Variants in CTSZ observed in about 807,000 individuals in gnomAD.
CTSZ encodes the protein carboxypeptidase LB.
In CTSZ, 39 loss-of-function variants were observed where a neutral mutation model predicts 32.4. The observed-to-expected ratio is 1.20, with a 90% CI of 0.93 to 1.57. The LOEUF (loss-of-function observed/expected upper bound fraction) is 1.57, where lower values mean the gene tolerates loss of function less well. CTSZ is among the 40% of genes most tolerant of loss of function. CTSZ has a pLI of 0.00. For synonymous variants in CTSZ, 168 were observed against 170.1 expected (o/e 0.99, Z 0.10); for missense variants, 397 against 419.6 (o/e 0.95, Z 0.47).
rs1329260102 is a variant in CTSZ at position 59,004,393 on chromosome 20, T to C, written c.307+1929A>G. ...CAGTATGGTGCAGGAGAAGGAAGCATCCTGGGGAGACGTGATCAGGAGAAT... is the reference window on the plus strand; with the variant it reads ...CAGTATGGTGCAGGAGAAGGAAGCACCCTGGGGAGACGTGATCAGGAGAAT... On this transcript the variant is annotated intron_variant, in intron 2 of 5. Coordinates refer to ENST00000217131, the MANE Select transcript of CTSZ (RefSeq NM_001336.4). The surrounding 1 kb of genome is among the most constrained non-coding windows in gnomAD (Gnocchi z 5.6). Among the ~76,000 whole-genome samples the C allele has an allele frequency of 6.6e-6, 1 of 150,802 alleles. No individual in the cohort carries two copies. Among genetic ancestry groups the C allele is most frequent in the Non-Finnish European group, 1.5e-5 (1 of 67,612 alleles).
intron 3 of CTSZ, among the ~76,000 whole-genome samples, chr20:59,000,102 G>A (rs1399040422): frequency 2.0e-5 from 3 of 151,708 alleles, no homozygotes; most frequent in Non-Finnish European, 2.9e-5. Context: ...TTATGGCCGG[G>A]CGCAGCAGCT....
chr20:59,000,023 C>T (rs534393348), intron 3 of CTSZ, among the ~76,000 whole-genome samples: 2 of 148,024 alleles, frequency 1.4e-5, no homozygotes, highest in African/African-American at 2.5e-5. Context: ...GAGCCGAGAT[C>T]GCGCCACTGC....
intron 2 of CTSZ, among the ~76,000 whole-genome samples, chr20:59,003,976 G>A (rs1046418229): frequency 8.5e-5 from 13 of 152,208 alleles, no homozygotes; most frequent in African/African-American, 2.4e-4. Flanking sequence ...GCAGTGGGGC[G>A]GTGTGGCTTA....
At chr20:59,003,346 C>T (rs1310101813) in intron 2 of CTSZ, among the ~76,000 whole-genome samples, 5 of 152,238 alleles carry the variant, frequency 3.3e-5, no homozygotes, top group Non-Finnish European at 7.3e-5. Context: ...GAGGTATGCA[C>T]AAGCTTCTCC....
chr20:58,996,762 G>A lies in CTSZ; in HGVS notation c.678C>T (p.Thr226=), dbSNP rs776475754. 5.0e-6 allele frequency: 8 copies of A among 1,614,054 alleles called. No homozygotes were observed. Among genetic ancestry groups the A allele is most frequent in the South Asian group, 2.2e-5 (2 of 91,082 alleles). The change falls in exon 5 of 6, where the codon ACC becomes ACT. Residue 226 remains threonine, a synonymous_variant. Transcript: ENST00000217131. ...CCTGGTATTCGGCATAGATGCCTCC[G>A]GTGTAGTTAGCCAGTCTTTCTGTTG... The part of the protein sequence containing the change: ...IMATERLANY[T]GGIYAEYQDT...
intron 4 of CTSZ, chr20:58,997,320 G>A (rs1283824619): frequency 1.3e-5 from 4 of 299,720 alleles, no homozygotes; most frequent in Admixed American, 9.9e-5. Flanking sequence ...CGTCTCATCC[G>A]CATTCCGCAC....
rs778998634 is a variant in CTSZ at position 59,007,023 on chromosome 20, G to A, written c.106C>T (p.Pro36Ser). ...GGAGCCAGCCCGTCCCCCCGCAGAG[G>A]CCGGTAGCAGGTCTGTCCCCGGCGG... ...YFRRGQTCYRPLRGDGLAPLG... is the reference protein window; with the variant it reads ...YFRRGQTCYRSLRGDGLAPLG... The change falls in exon 1 of 6, where the codon CCT becomes TCT. Residue 36 changes from proline (P) to serine (S), a missense_variant. Coordinates refer to ENST00000217131, the MANE Select transcript of CTSZ (RefSeq NM_001336.4). 8.1e-6 allele frequency: 12 copies of A among 1,474,570 alleles called. 1 individual carries two copies. In the South Asian group the frequency reaches 1.4e-4, roughly 17 times the overall value. 91.3% of individuals were successfully genotyped at this position (1,474,570 alleles called of 1,614,324 possible).
intron 1 of CTSZ, 34 bp from the exon 2 acceptor site, chr20:59,006,519 T>C (rs768200449): frequency 3.2e-6 from 5 of 1,583,318 alleles, no homozygotes; most frequent in Non-Finnish European, 4.3e-6. Context: ...AGATCGGTGC[T>C]GGGGCTCCCG....
chr20:58,999,126 C>A (rs914742486), intron 3 of CTSZ, among the ~76,000 whole-genome samples: 3 of 152,032 alleles, frequency 2.0e-5, no homozygotes, highest in African/African-American at 7.3e-5. Context: ...ACTTCTGCCT[C>A]CTGGGTTCAA....
chr20:59,005,214 C>T (rs983899930), intron 2 of CTSZ, among the ~76,000 whole-genome samples: 12 of 152,088 alleles, frequency 7.9e-5, no homozygotes, highest in Non-Finnish European at 1.0e-4. Context: ...TTCCAGCCCC[C>T]GGGGGAGACG....
intron 3 of CTSZ, among the ~76,000 whole-genome samples, chr20:59,000,953 C>T (rs1446350015): frequency 6.6e-6 from 1 of 151,742 alleles, no homozygotes; most frequent in Non-Finnish European, 1.5e-5. Context: ...CTCAGCTGCC[C>T]GAGTACCTGG....
At chr20:59,001,722 CG>C (rs2146364120) in intron 2 of CTSZ, 78 bp from the exon 3 acceptor site, 4 of 1,488,426 alleles carry the variant, frequency 2.7e-6, no homozygotes, top group South Asian at 2.5e-5. Flanking sequence ...ACGCCTCAGG[CG>C]GGATGCAGGC....
rs1264175877 is a variant in CTSZ, at chr20:58,997,595, C to G, written c.638+8G>C. 6.4e-7 allele frequency: 1 copy of G among 1,568,202 alleles called. No individual in the cohort carries two copies. Among genetic ancestry groups the G allele is most frequent in the Non-Finnish European group, 8.7e-7 (1 of 1,154,614 alleles). On this transcript the variant is annotated splice_region_variant and intron_variant, in intron 4 of 5. Coordinates refer to ENST00000217131, the MANE Select transcript of CTSZ (RefSeq NM_001336.4). ...AAACCTCTCTTTGCCCGCGGGACCT[C>G]TCCTCACCTGATGGGACCATTTGCA...
In CTSZ at chr20:59,005,415, C is replaced by T. The variant is rs565531717; in HGVS notation, c.307+907G>A. Among the ~76,000 whole-genome samples the T allele has an allele frequency of 2.0e-5, 3 of 152,346 alleles. No homozygotes were observed. The East Asian group carries it at 5.8e-4, about 29-fold the overall frequency. On this transcript the variant is annotated intron_variant, in intron 2 of 5. Coordinates refer to ENST00000217131, the MANE Select transcript of CTSZ (RefSeq NM_001336.4). The stretch of plus-strand genomic sequence containing the variant: ...TCTCTCTGCAAAAAGCCTGCTTCCT[C>T]ATCTGCAAACTGGAAGCAATCATGG...
At chr20:59,006,945 G>A (rs1191469647) in intron 1 of CTSZ, 41 bp downstream of exon 1, 9 of 1,365,924 alleles carry the variant, frequency 6.6e-6, no homozygotes, top group Admixed American at 3.7e-5. Flanking sequence ...CGGGCGATGG[G>A]CCTCCCGTCC....
At chr20:58,997,017 T>C (rs989040696) in intron 4 of CTSZ, among the ~76,000 whole-genome samples, 3 of 151,392 alleles carry the variant, frequency 2.0e-5, no homozygotes, top group African/African-American at 7.3e-5. Context: ...ATTAGCTGGG[T>C]GTGGTGGTGT....
chr20:59,000,828 ATTTT>A (rs575057726), intron 3 of CTSZ, among the ~76,000 whole-genome samples: 14 of 133,258 alleles, frequency 1.1e-4, no homozygotes, highest in Middle Eastern at 4.0e-3. Flanking sequence ...CAGGGCCGGT[ATTTT>A]TTTTTTTTTT....
intron 2 of CTSZ, 109 bp from the exon 3 acceptor site, chr20:59,001,753 CT>C: frequency 8.8e-7 from 1 of 1,133,286 alleles, no homozygotes. Context: ...CCTGGCCTGC[CT>C]TCAGCTCTGC....
chr20:58,995,557 C>A lies in CTSZ; in HGVS notation c.*92G>T, dbSNP rs961455564. 2 of 1,199,922 alleles carry A rather than the reference C, an allele frequency of 1.7e-6. No homozygotes were observed. The highest frequency in any genetic ancestry group is 3.7e-5 in the Admixed American group (2 of 54,646). The allele number at this position is 1,199,922 out of a possible 1,614,324, so 74.3% of individuals were successfully genotyped here. Reference sequence around the variant, plus strand: ...CCAATATTGATAGCCACCCCAGTTCCTGCCAGCCAGCCTGGCACACATAAC... The same window carrying A: ...CCAATATTGATAGCCACCCCAGTTCATGCCAGCCAGCCTGGCACACATAAC... On this transcript the variant is annotated 3_prime_UTR_variant, in exon 6 of 6. Transcript: ENST00000217131.
Sources: gnomAD v4.1 joint callset for allele counts (sites outside exome capture counted in the v4.1 genomes callset) on GRCh38, gnomAD v4.1.1 for gene constraint, Gnocchi (gnomAD v3.1) non-coding constraint, MANE v1.5 for transcripts, NCBI Gene and HGNC (gene_info 2026-07-23, HGNC 2026-07-21) for gene names.